FBN2: variants seen among roughly 807,000 people sequenced by gnomAD.
FBN2 encodes the protein fibrillin-2.
Under a neutral mutation model 355.6 loss-of-function variants are expected in FBN2, and 105 were observed. The observed-to-expected ratio is 0.30, with a 90% CI of 0.25 to 0.35. The LOEUF is 0.35. Among genes scored for constraint, FBN2 ranks in the 10% least tolerant of loss-of-function variants. FBN2 has a pLI of 1.00. For missense variants in FBN2, 3,280 were observed against 3,758.7 expected (o/e 0.87, Z 3.33); for synonymous variants, 1,350 against 1,301.2 (o/e 1.04, Z -0.81).
chr5:128,528,699 G>C (rs573093623), intron 3 of FBN2, among the ~76,000 whole-genome samples: 19 of 152,190 alleles, frequency 1.2e-4, no homozygotes, highest in African/African-American at 4.1e-4. Context: ...AGCTAACACA[G>C]GGCCTCCTCG....
Position 128,427,251 on chromosome 5 carries a change from A to G in FBN2, c.953-18452T>C, listed in dbSNP as rs1472845103. ...CTTGAGTTCCTTCGAGAGAAAGTCC[A>G]GGCACATAGCTAGTCCTGAGAAGTA... On this transcript the variant is annotated intron_variant, in intron 7 of 64. Transcript: ENST00000262464. 2.6e-5 allele frequency among the ~76,000 whole-genome samples: 4 copies of G among 152,190 alleles called. No individual in the cohort carries two copies. The East Asian group carries it at 7.7e-4, about 29-fold the overall frequency.
intron 42 of FBN2, among the ~76,000 whole-genome samples, 189 bp from the exon 43 acceptor site, chr5:128,306,137 T>C (rs1055832414): frequency 9.2e-5 from 14 of 152,166 alleles, no homozygotes; most frequent in Non-Finnish European, 1.5e-4. Flanking sequence ...GAAACAGTGA[T>C]GGAAAAAATC....
chr5:128,347,968 G>A (rs562771216), intron 23 of FBN2, among the ~76,000 whole-genome samples: 93 of 143,646 alleles, frequency 6.5e-4, no homozygotes, highest in African/African-American at 1.9e-3. Flanking sequence ...TAGTAGAGAC[G>A]GGGAGGGGGG....
At chr5:128,264,003 G>C (rs899754845) in intron 62 of FBN2, among the ~76,000 whole-genome samples, 6 of 152,154 alleles carry the variant, frequency 3.9e-5, no homozygotes, top group African/African-American at 1.4e-4. Context: ...TAGAGATAGA[G>C]AGAAAATTAG....
intron 25 of FBN2, among the ~76,000 whole-genome samples, chr5:128,341,772 C>T (rs865889620): frequency 4.6e-5 from 7 of 152,180 alleles, no homozygotes; most frequent in Non-Finnish European, 8.8e-5. Flanking sequence ...GAGCAAGCCC[C>T]GATAAACTTC....
chr5:128,315,766 T>A (rs1750184510), intron 36 of FBN2, among the ~76,000 whole-genome samples: 1 of 152,190 alleles, frequency 6.6e-6, no homozygotes, highest in Non-Finnish European at 1.5e-5. Flanking sequence ...ATGGTTCAGG[T>A]TCTTGTTACC....
chr5:128,260,191 T>C (rs1423720220), intron 64 of FBN2, among the ~76,000 whole-genome samples: 2 of 152,084 alleles, frequency 1.3e-5, no homozygotes, highest in African/African-American at 4.8e-5. Flanking sequence ...ATTTAGGTAA[T>C]GATTTTTTTT....
chr5:128,333,486 A>G (rs1026511280), intron 31 of FBN2, among the ~76,000 whole-genome samples: 2 of 152,234 alleles, frequency 1.3e-5, no homozygotes, highest in Non-Finnish European at 2.9e-5. Flanking sequence ...AAAAAAAGTA[A>G]TAGTTTATTC....
At chr5:128,272,927 A>G (rs1447654737) in intron 61 of FBN2, among the ~76,000 whole-genome samples, 1 of 152,202 alleles carries the variant, frequency 6.6e-6, no homozygotes, top group Non-Finnish European at 1.5e-5. Context: ...AAGATAAAAT[A>G]TTAAAATTGA....
chr5:128,504,486 A>C (rs551548290), intron 5 of FBN2, among the ~76,000 whole-genome samples: 3 of 152,268 alleles, frequency 2.0e-5, no homozygotes, highest in South Asian at 2.1e-4. Context: ...ATGGGGACCC[A>C]CCTCTTGCTT....
chr5:128,367,682 A>C (rs1449631545), intron 16 of FBN2, among the ~76,000 whole-genome samples: 1 of 152,080 alleles, frequency 6.6e-6, no homozygotes. Flanking sequence ...ATTATTATTT[A>C]ATCTTTTTCC....
Position 128,433,036 on chromosome 5 carries a change from T to C in FBN2, c.952+13445A>G, listed in dbSNP as rs1454534398. On this transcript the variant is annotated intron_variant, in intron 7 of 64. Transcript: ENST00000262464. ...GAACAGCAGTGGGGAAACCACCCCC[T>C]GATCCAATCACCTCCCACCAAGTCC... is the stretch of plus-strand genomic sequence containing the variant. Among the ~76,000 whole-genome samples, 3 of 152,268 alleles carry C rather than the reference T, an allele frequency of 2.0e-5. No individual in the cohort carries two copies. The East Asian group carries it at 5.8e-4, about 29-fold the overall frequency.
intron 5 of FBN2, among the ~76,000 whole-genome samples, chr5:128,497,712 T>A (rs1442963945): frequency 6.6e-6 from 1 of 152,192 alleles, no homozygotes; most frequent in African/African-American, 2.4e-5. Context: ...GGAGCCATAT[T>A]TCAATATTCC....
rs751231315 is a variant in FBN2, at chr5:128,286,757, G to A, written c.6973C>T (p.Pro2325Ser). ...CCATCGGGCCTTCGGGCCATTCCAG[G>A]AGGGCAGATGCACATGAAGGTGCCG... ...LIGTFMCICP[P>S]GMARRPDGEG... Residue 2325 changes from proline (P) to serine (S), a missense_variant, in exon 55 of 65, where the codon CCT becomes TCT. Pro to Ser is a moderately conservative substitution (Grantham distance 74). Coordinates refer to ENST00000262464, the MANE Select transcript of FBN2 (RefSeq NM_001999.4). The A allele has an allele frequency of 8.1e-6, 13 of 1,614,058 alleles. No individual in the cohort carries two copies. Among genetic ancestry groups the A allele is most frequent in the African/African-American group, 4.0e-5 (3 of 74,930 alleles).
At position 128,280,177 on chromosome 5, in the gene FBN2, T is replaced by C; in HGVS notation, c.7138+15A>G. The C allele has an allele frequency of 6.2e-7, 1 of 1,607,536 alleles. No homozygotes were observed. Among genetic ancestry groups the C allele is most frequent in the African/African-American group, 1.3e-5 (1 of 74,918 alleles). Reference sequence around the variant, plus strand: ...TTTTATCTACCAAGTATAATATATTTGGATGTCAACTTACCAAGGCATTCA... The same window carrying C: ...TTTTATCTACCAAGTATAATATATTCGGATGTCAACTTACCAAGGCATTCA... On this transcript the variant is annotated intron_variant, in intron 56 of 64. Coordinates refer to ENST00000262464, the MANE Select transcript of FBN2 (RefSeq NM_001999.4).
intron 42 of FBN2, among the ~76,000 whole-genome samples, chr5:128,306,619 T>C (rs1323639695): frequency 2.7e-5 from 4 of 150,240 alleles, no homozygotes; most frequent in East Asian, 3.9e-4. Context: ...CAAAACTCCA[T>C]CTCAAAAAAA....
At chr5:128,436,112 T>C (rs1753762045) in intron 7 of FBN2, among the ~76,000 whole-genome samples, 1 of 152,204 alleles carries the variant, frequency 6.6e-6, no homozygotes, top group African/African-American at 2.4e-5. Flanking sequence ...CACATGTGTT[T>C]TACTAGTGCA....
At chr5:128,470,737 G>T (rs908958802) in intron 5 of FBN2, among the ~76,000 whole-genome samples, 14 of 152,186 alleles carry the variant, frequency 9.2e-5, no homozygotes, top group African/African-American at 3.1e-4. Flanking sequence ...CTTGAGAAGG[G>T]AAACAGCCAG....
intron 18 of FBN2, among the ~76,000 whole-genome samples, 199 bp downstream of exon 18, chr5:128,364,401 G>A (rs1175278141): frequency 1.3e-5 from 2 of 151,880 alleles, no homozygotes; most frequent in South Asian, 2.1e-4. Flanking sequence ...TTTTAAAAAC[G>A]AATTGGTACC....
Sources: gnomAD v4.1 joint callset for allele counts (sites outside exome capture counted in the v4.1 genomes callset) on GRCh38, gnomAD v4.1.1 for gene constraint, MANE v1.5 for transcripts, NCBI Gene and HGNC (gene_info 2026-07-23, HGNC 2026-07-21) for gene names.